TMTC2: variants seen among roughly 807,000 people sequenced by gnomAD.
The protein encoded by TMTC2 is protein O-mannosyl-transferase TMTC2.
TMTC2 carries 43 observed loss-of-function variants against 82.4 expected under a neutral mutation model. The observed-to-expected ratio is 0.52, with a 90% CI of 0.41 to 0.67. The LOEUF is 0.67. Ranked by LOEUF, TMTC2 falls within the 30% of genes least tolerant of loss-of-function variation. The pLI is 0.00. For missense variants in TMTC2, 919 were observed against 1,012.4 expected (o/e 0.91, Z 1.25); for synonymous variants, 408 against 381.9 (o/e 1.07, Z -0.80).
intron 11 of TMTC2, among the ~76,000 whole-genome samples, chr12:83,081,945 G>A (rs1264401869): frequency 1.3e-5 from 2 of 152,030 alleles, no homozygotes; most frequent in Non-Finnish European, 2.9e-5. Flanking sequence ...TCACACCACT[G>A]TACTCCATCC....
At chr12:83,089,284 G>T (rs144786712) in intron 11 of TMTC2, among the ~76,000 whole-genome samples, 2 of 152,184 alleles carry the variant, frequency 1.3e-5, no homozygotes, top group Non-Finnish European at 2.9e-5. Flanking sequence ...CTTTTATTCT[G>T]CTATAGCAAG....
intron 9 of TMTC2, among the ~76,000 whole-genome samples, chr12:83,040,854 T>C (rs567770269): frequency 6.6e-6 from 1 of 152,112 alleles, no homozygotes; most frequent in Admixed American, 6.5e-5. Flanking sequence ...CCGGCTAATT[T>C]TTTTGTAATT....
chr12:83,107,086 A>G (rs2137540620), intron 11 of TMTC2, among the ~76,000 whole-genome samples: 1 of 152,348 alleles, frequency 6.6e-6, no homozygotes, highest in South Asian at 2.1e-4. Flanking sequence ...TACAGTGTTC[A>G]TGTATTGACT....
At chr12:82,988,262 G>A (rs767384786) in intron 8 of TMTC2, among the ~76,000 whole-genome samples, 1 of 152,144 alleles carries the variant, frequency 6.6e-6, no homozygotes, top group African/African-American at 2.4e-5. Flanking sequence ...TGACTTGCCT[G>A]GGAGAAGGAA....
intron 4 of TMTC2, among the ~76,000 whole-genome samples, chr12:82,960,848 G>A (rs549697675): frequency 2.2e-4 from 34 of 151,710 alleles, no homozygotes; most frequent in African/African-American, 8.2e-4. Flanking sequence ...TGTATAATGT[G>A]TTCCTGTTTT....
intron 7 of TMTC2, among the ~76,000 whole-genome samples, chr12:82,973,989 G>T (rs1878558906): frequency 6.6e-6 from 1 of 152,160 alleles, no homozygotes; most frequent in African/African-American, 2.4e-5. Context: ...TGAATTATAA[G>T]GGTACAAATA....
intron 1 of TMTC2, among the ~76,000 whole-genome samples, chr12:82,828,558 A>G (rs1592555713): frequency 1.3e-5 from 2 of 152,120 alleles, no homozygotes; most frequent in South Asian, 4.1e-4. Flanking sequence ...CTTGAAAGAG[A>G]TATTCTTTGT....
intron 1 of TMTC2, among the ~76,000 whole-genome samples, chr12:82,748,585 A>C (rs767145432): frequency 1.3e-5 from 2 of 152,066 alleles, no homozygotes; most frequent in African/African-American, 2.4e-5. Context: ...GATTAAATAC[A>C]TTAGTGGGGG....
At chr12:82,922,792 T>TA (rs1875472916) in intron 3 of TMTC2, among the ~76,000 whole-genome samples, 1 of 152,178 alleles carries the variant, frequency 6.6e-6, no homozygotes, top group African/African-American at 2.4e-5. Flanking sequence ...TCCTTTTTTT[T>TA]AAATTCTCTG....
chr12:82,860,688 C>T (rs189389259), intron 2 of TMTC2, among the ~76,000 whole-genome samples: 139 of 152,294 alleles, frequency 9.1e-4, no homozygotes, highest in Middle Eastern at 3.4e-3. Flanking sequence ...GAAGAAATGT[C>T]GATGGAAATT....
intron 2 of TMTC2, among the ~76,000 whole-genome samples, chr12:82,887,025 A>T (rs1049288335): frequency 6.6e-6 from 1 of 152,314 alleles, no homozygotes; most frequent in Non-Finnish European, 1.5e-5. Flanking sequence ...ATGTCTGGAT[A>T]GCCTTTTCTC....
intron 8 of TMTC2, among the ~76,000 whole-genome samples, chr12:82,987,627 G>A (rs1592676939): frequency 6.6e-6 from 1 of 152,152 alleles, no homozygotes; most frequent in East Asian, 1.9e-4. Flanking sequence ...ACAGCAGGCA[G>A]GTCCTGCAGC....
chr12:82,943,089 G>A (rs756827716), intron 4 of TMTC2, among the ~76,000 whole-genome samples: 1 of 152,140 alleles, frequency 6.6e-6, no homozygotes, highest in Admixed American at 6.6e-5. Context: ...AACAAAGCAT[G>A]CTGAAGGCTA....
At chr12:83,017,694 T>A (rs1030670693) in intron 8 of TMTC2, among the ~76,000 whole-genome samples, 3 of 152,052 alleles carry the variant, frequency 2.0e-5, no homozygotes, top group Non-Finnish European at 4.4e-5. Flanking sequence ...GAGAATGACA[T>A]GAATTAAGAA....
intron 3 of TMTC2, among the ~76,000 whole-genome samples, chr12:82,929,659 A>G (rs1474354886): frequency 6.6e-6 from 1 of 152,110 alleles, no homozygotes; most frequent in East Asian, 1.9e-4. Context: ...TCAGGACTCA[A>G]TACCCCATCT....
chr12:82,828,279 T>A (rs1411796407), intron 1 of TMTC2, among the ~76,000 whole-genome samples: 1 of 149,804 alleles, frequency 6.7e-6, no homozygotes, highest in Non-Finnish European at 1.5e-5. Flanking sequence ...AGTGGCGTGA[T>A]CTCGGCTCAC....
At chr12:83,129,963 TACAG>T (rs977825439) in intron 11 of TMTC2, among the ~76,000 whole-genome samples, 8 of 152,238 alleles carry the variant, frequency 5.3e-5, no homozygotes, top group Admixed American at 5.2e-4. Context: ...AAATAATAGA[TACAG>T]ACACTATAGG....
chr12:82,990,254 G>A (rs1160332591), intron 8 of TMTC2, among the ~76,000 whole-genome samples: 1 of 152,014 alleles, frequency 6.6e-6, no homozygotes, highest in Non-Finnish European at 1.5e-5. Flanking sequence ...TGGAGAGTAG[G>A]ATTTTATATA....
At chr12:82,931,106 C>CA (rs1452406271) in intron 4 of TMTC2, among the ~76,000 whole-genome samples, 1 of 151,978 alleles carries the variant, frequency 6.6e-6, no homozygotes, top group Non-Finnish European at 1.5e-5. Context: ...GATGTGGACT[C>CA]ACTATATTGC....
Sources: gnomAD v4.1 joint callset for allele counts (sites outside exome capture counted in the v4.1 genomes callset) on GRCh38, gnomAD v4.1.1 for gene constraint, MANE v1.5 for transcripts, NCBI Gene and HGNC (gene_info 2026-07-23, HGNC 2026-07-21) for gene names.